PKHD1L1: variants seen among roughly 807,000 people sequenced by gnomAD.
PKHD1L1 encodes PKHD1 like 1, also known as fibrocystin-L.
A neutral mutation model predicts 462.9 loss-of-function variants in PKHD1L1; 434 were observed. The ratio of observed to expected loss-of-function variants is 0.94; its 90% CI spans 0.87 to 1.02. The LOEUF (loss-of-function observed/expected upper bound fraction) is 1.02, where lower values mean the gene tolerates loss of function less well. PKHD1L1 is among the 50% of genes least tolerant of loss of function. PKHD1L1 has a pLI of 0.00. For missense variants in PKHD1L1, 5,202 were observed against 5,096.1 expected (o/e 1.02, Z -0.63); for synonymous variants, 1,781 against 1,750.0 (o/e 1.02, Z -0.44).
intron 1 of PKHD1L1, 106 bp downstream of exon 1, chr8:109,362,759 G>A: frequency 7.9e-7 from 1 of 1,264,508 alleles, no homozygotes; most frequent in South Asian, 1.3e-5. Context: ...ACCTGGCTGA[G>A]GCTGTGGGTG....
chr8:109,382,518 A>T lies in PKHD1L1; in HGVS notation c.364A>T (p.Thr122Ser). The change falls in exon 4 of 78, where the codon ACG (threonine) becomes TCG (serine). Residue 122 changes from threonine to serine, a missense_variant. This residue lies in a region of PKHD1L1 where 4,497 missense variants were observed against 4,336.8 expected (regional missense o/e 1.04). Transcript: ENST00000378402. ...VRVSVDGVPV[T>S]ENNTCKGHIN... ...AGTCAGTGTGGACGGGGTTCCTGTTACGGAAAATAACACCTGCAAAGGTCA... is the reference window on the plus strand; with the variant it reads ...AGTCAGTGTGGACGGGGTTCCTGTTTCGGAAAATAACACCTGCAAAGGTCA... 2.5e-6 allele frequency: 4 copies of T among 1,612,792 alleles called. No homozygotes were observed. The highest frequency in any genetic ancestry group is 3.4e-6 in the Non-Finnish European group (4 of 1,179,278).
Position 109,465,171 on chromosome 8 carries a change from C to G in PKHD1L1, c.8339C>G (p.Ser2780Cys). ...GCAAAGTTTGTTGACGTCCAGTATTCTCACACACCGAACAAGGCTGGCTTT... is the reference window on the plus strand; with the variant it reads ...GCAAAGTTTGTTGACGTCCAGTATTGTCACACACCGAACAAGGCTGGCTTT... ...WSAKFVDVQYSHTPNKAGFRW... is the reference protein window; with the variant it reads ...WSAKFVDVQYCHTPNKAGFRW... Residue 2780 changes from serine (S) to cysteine (C), a missense_variant, in exon 49 of 78, where the codon TCT (serine) becomes TGT (cysteine). By Grantham distance (112) the Ser-to-Cys change is moderately radical. Coordinates refer to ENST00000378402, the MANE Select transcript of PKHD1L1 (RefSeq NM_177531.6). The G allele has an allele frequency of 6.2e-7, 1 of 1,613,686 alleles. No individual in the cohort carries two copies. Among genetic ancestry groups the G allele is most frequent in the Non-Finnish European group, 8.5e-7 (1 of 1,179,764 alleles).
chr8:109,516,483 C>T (rs970770321), intron 72 of PKHD1L1, among the ~76,000 whole-genome samples: 1 of 151,974 alleles, frequency 6.6e-6, no homozygotes, highest in African/African-American at 2.4e-5. Flanking sequence ...TCATCTAAAC[C>T]CTATTTCTTC....
intron 71 of PKHD1L1, among the ~76,000 whole-genome samples, chr8:109,512,310 A>C (rs1238589211): frequency 2.0e-5 from 3 of 151,486 alleles, no homozygotes; most frequent in Non-Finnish European, 4.4e-5. Flanking sequence ...GTTTTCTTCT[A>C]GGGTTTTTAT....
intron 25 of PKHD1L1, 134 bp downstream of exon 25, chr8:109,427,290 G>C (rs12544835): frequency 0.32 from 229,209 of 711,124 alleles, 38,495 homozygotes; most frequent in Admixed American, 0.46. Flanking sequence ...TTCTTTAAAA[G>C]GAAGTTAAGG....
At chr8:109,379,611 A>G (rs1334063470) in intron 2 of PKHD1L1, among the ~76,000 whole-genome samples, 2 of 152,160 alleles carry the variant, frequency 1.3e-5, no homozygotes, top group African/African-American at 4.8e-5. Flanking sequence ...AGATGCATGG[A>G]GCTGGATATA....
chr8:109,515,869 G>C (rs758465509), intron 72 of PKHD1L1, among the ~76,000 whole-genome samples: 2 of 152,040 alleles, frequency 1.3e-5, no homozygotes, highest in Non-Finnish European at 2.9e-5. Context: ...TGTTAAACAG[G>C]GTTCTAATGA....
At chr8:109,397,882 G>A (rs930972300) in intron 11 of PKHD1L1, among the ~76,000 whole-genome samples, 2 of 152,186 alleles carry the variant, frequency 1.3e-5, no homozygotes, top group East Asian at 1.9e-4. Context: ...ACACATGGAG[G>A]TTTAAAACAT....
At chr8:109,456,001 G>C (rs1816802833) in intron 45 of PKHD1L1, among the ~76,000 whole-genome samples, 1 of 152,108 alleles carries the variant, frequency 6.6e-6, no homozygotes, top group Admixed American at 6.6e-5. Flanking sequence ...TGTAAAAAAA[G>C]ATGGTTATAA....
At position 109,364,572 on chromosome 8, in the gene PKHD1L1, C is replaced by A. The variant is rs752029351; in HGVS notation, c.99C>A (p.Val33=). The A allele has an allele frequency of 1.9e-6, 3 of 1,601,080 alleles. No individual in the cohort carries two copies. The highest frequency in any genetic ancestry group is 1.3e-5 in the African/African-American group (1 of 74,242). The change falls in exon 2 of 78, where the codon GTC becomes GTA. Residue 33 remains valine (V), a synonymous_variant. Coordinates refer to ENST00000378402, the MANE Select transcript of PKHD1L1 (RefSeq NM_177531.6). ...ATGGCTCTCAAATAATCCCCAAAGT[C>A]ACAGAAATAATACCTAAATATGGCA... ...STDGSQIIPK[V]TEIIPKYGSI...
chr8:109,488,693 A>G (rs1244448830), intron 59 of PKHD1L1, among the ~76,000 whole-genome samples: 1 of 151,942 alleles, frequency 6.6e-6, no homozygotes, highest in Non-Finnish European at 1.5e-5. Flanking sequence ...GTCTCACTAT[A>G]GCCTCTACTT....
chr8:109,429,233 T>G, intron 25 of PKHD1L1, 107 bp from the exon 26 acceptor site: 1 of 994,818 alleles, frequency 1.0e-6, no homozygotes, highest in Non-Finnish European at 1.4e-6. Flanking sequence ...TTATTTTACA[T>G]TCTTTGACTT....
At position 109,522,859 on chromosome 8, in the gene PKHD1L1, A is replaced by G. The variant is rs769262036; in HGVS notation, c.12299A>G (p.Gln4100Arg). Residue 4100 changes from glutamine to arginine, a missense_variant, in exon 75 of 78, where the codon CAG becomes CGG. This residue lies in a region of PKHD1L1 where 698 missense variants were observed against 736.3 expected (regional missense o/e 0.95). Coordinates refer to ENST00000378402, the MANE Select transcript of PKHD1L1 (RefSeq NM_177531.6). ...GCACAGCCAGGACAGCCATTTCCTC[A>G]GCAGCCTTCGGTAAAGGCAACAGAT... ...VAAQPGQPFP[Q>R]QPSVKATDSD... The G allele has an allele frequency of 6.2e-6, 10 of 1,610,756 alleles. No homozygotes were observed. Among genetic ancestry groups the G allele is most frequent in the East Asian group, 2.2e-5 (1 of 44,752 alleles).
At chr8:109,416,845 T>A (rs1386014791) in intron 21 of PKHD1L1, among the ~76,000 whole-genome samples, 1 of 152,188 alleles carries the variant, frequency 6.6e-6, no homozygotes, top group East Asian at 1.9e-4. Flanking sequence ...GAAATCCTTC[T>A]CAAAGGGACA....
rs1814336531 is a variant in PKHD1L1 at position 109,419,164 on chromosome 8, C to T, written c.2428C>T (p.Leu810Phe). 1 of 1,613,594 alleles carries T rather than the reference C, an allele frequency of 6.2e-7. No homozygotes were observed. The highest frequency in any genetic ancestry group is 8.5e-7 in the Non-Finnish European group (1 of 1,179,596). ...GAAATACACTGGGACAAATGTTTCTCTTCAGAGGATTAGCTTACATAAAGC... is the reference window on the plus strand; with the variant it reads ...GAAATACACTGGGACAAATGTTTCTTTTCAGAGGATTAGCTTACATAAAGC... ...RTKYTGTNVS[L>F]QRISLHKASE... Residue 810 changes from leucine (L) to phenylalanine (F), a missense_variant, in exon 22 of 78, where the codon CTT (leucine) becomes TTT (phenylalanine). Around this residue, in one of 3 missense-constraint regions of PKHD1L1, gnomAD observed 4,497 missense variants for 4,336.8 expected, o/e 1.04. Transcript: ENST00000378402.
At chr8:109,425,409 AT>A (rs1814692233) in intron 24 of PKHD1L1, among the ~76,000 whole-genome samples, 177 bp downstream of exon 24, 1 of 151,792 alleles carries the variant, frequency 6.6e-6, no homozygotes, top group Non-Finnish European at 1.5e-5. Context: ...ATGCATATAT[AT>A]TAATATATAC....
chr8:109,419,139 G>A lies in PKHD1L1; in HGVS notation c.2403G>A (p.Thr801=), dbSNP rs267601713. The A allele has an allele frequency of 3.0e-5, 49 of 1,613,330 alleles. No homozygotes were observed. The highest frequency in any genetic ancestry group is 3.4e-5 in the Non-Finnish European group (40 of 1,179,574). ...TAGACCTTCTGGATCTCGTAAGAAC[G>A]AAATACACTGGGACAAATGTTTCTC... ...TCIDLLDLVR[T]KYTGTNVSLQ... Residue 801 remains threonine, a synonymous_variant, in exon 22 of 78, where the codon ACG becomes ACA. Coordinates refer to ENST00000378402, the MANE Select transcript of PKHD1L1 (RefSeq NM_177531.6).
In PKHD1L1 at chr8:109,532,905, A is replaced by C. The variant is rs1256693440; in HGVS notation, c.*2815A>C. On this transcript the variant is annotated 3_prime_UTR_variant, in exon 78 of 78. Coordinates refer to ENST00000378402, the MANE Select transcript of PKHD1L1 (RefSeq NM_177531.6). ...TAAAGTAAAGGTTTATCACATGTTC[A>C]CTACATGCCAGACACTATGCTGTGT... Among the ~76,000 whole-genome samples the C allele has an allele frequency of 6.6e-6, 1 of 152,198 alleles. No homozygotes were observed. The highest frequency in any genetic ancestry group is 1.5e-5 in the Non-Finnish European group (1 of 68,028).
chr8:109,457,338 A>G (rs1239938415), intron 46 of PKHD1L1, among the ~76,000 whole-genome samples: 2 of 152,180 alleles, frequency 1.3e-5, no homozygotes, highest in Non-Finnish European at 1.5e-5. Context: ...AATTTTAATT[A>G]TATAATGGCA....
Sources: gnomAD v4.1 joint callset for allele counts (sites outside exome capture counted in the v4.1 genomes callset) on GRCh38, gnomAD v4.1.1 for gene constraint, gnomAD v4.1.1 regional missense constraint, MANE v1.5 for transcripts, NCBI Gene and HGNC (gene_info 2026-07-23, HGNC 2026-07-21) for gene names.